Variants in GFRAL observed in about 807,000 individuals in gnomAD.
The protein encoded by GFRAL is GDNF family receptor alpha-like.
GFRAL carries 36 observed loss-of-function variants against 45.4 expected under a neutral mutation model. That is an observed-to-expected ratio of 0.79 (90% confidence interval 0.61 to 1.05). The LOEUF (loss-of-function observed/expected upper bound fraction) is 1.05. Among genes scored for constraint, GFRAL ranks in the 50% least tolerant of loss-of-function variants. The pLI, the probability that GFRAL is intolerant of heterozygous loss-of-function variation, is 0.00. For synonymous variants in GFRAL, 166 were observed against 154.1 expected, an observed-to-expected ratio of 1.08 and a Z score of -0.57; for missense variants, 507 against 467.5, an observed-to-expected ratio of 1.08 and a Z score of -0.78.
intron 3 of GFRAL, among the ~76,000 whole-genome samples, chr6:55,343,957 A>T (rs942470376): frequency 6.6e-6 from 1 of 152,196 alleles, no homozygotes; most frequent in African/African-American, 2.4e-5. Flanking sequence ...AAATTCCTGG[A>T]TGCATACACT....
intron 5 of GFRAL, among the ~76,000 whole-genome samples, chr6:55,358,158 A>G (rs1768220759): frequency 6.6e-6 from 1 of 151,942 alleles, no homozygotes; most frequent in Non-Finnish European, 1.5e-5. Context: ...AAATAACTTC[A>G]TGAAAATGTC....
chr6:55,345,482 G>A (rs1239157170), intron 3 of GFRAL, among the ~76,000 whole-genome samples: 1 of 152,162 alleles, frequency 6.6e-6, no homozygotes, highest in Non-Finnish European at 1.5e-5. Flanking sequence ...GGGAAAACTG[G>A]CTAGCCATAT....
intron 6 of GFRAL, among the ~76,000 whole-genome samples, chr6:55,373,256 A>G (rs1216843875): frequency 1.3e-5 from 2 of 152,118 alleles, no homozygotes; most frequent in African/African-American, 4.8e-5. Context: ...CTCCTATTTT[A>G]TCCTCTGAAA....
In GFRAL at chr6:55,331,789, C is replaced by T. The variant is rs12199003; in HGVS notation, c.97C>T (p.Arg33Cys). The T allele has an allele frequency of 0.37, 593,224 of 1,609,192 alleles. 115,232 individuals are homozygous for T. Among genetic ancestry groups the T allele is most frequent in the South Asian group, 0.61 (55,566 of 90,368 alleles). Residue 33 changes from arginine to cysteine, a missense_variant, in exon 2 of 9, where the codon CGT becomes TGT. Transcript: ENST00000340465. ...NCTYLREQCLRDANGCKHAWR... is the reference protein window; with the variant it reads ...NCTYLREQCLCDANGCKHAWR... ...CACATATTTAAGAGAGCAATGCTTA[C>T]GTGATGCAAATGGATGTAAACATGC...
At chr6:55,343,660 C>T (rs1172237610) in intron 3 of GFRAL, among the ~76,000 whole-genome samples, 2 of 151,890 alleles carry the variant, frequency 1.3e-5, no homozygotes, top group Non-Finnish European at 2.9e-5. Flanking sequence ...TAGCAGAAGG[C>T]AAGAAATAAC....
At chr6:55,349,570 A>G (rs1768087372) in intron 3 of GFRAL, among the ~76,000 whole-genome samples, 1 of 152,042 alleles carries the variant, frequency 6.6e-6, no homozygotes, top group Non-Finnish European at 1.5e-5. Flanking sequence ...TTGGAATTAG[A>G]TGAACACCGA....
Position 55,399,291 on chromosome 6 carries a change from A to G in GFRAL, c.1048+16A>G, listed in dbSNP as rs769159751. ...CCCTTCAATGGTCAGTTAAAAATCA[A>G]TCCTCTATAATATTTATATTATTTA... On this transcript the variant is annotated intron_variant, in intron 7 of 8. Transcript: ENST00000340465. 9.9e-6 allele frequency: 15 copies of G among 1,522,678 alleles called. No individual in the cohort carries two copies. The highest frequency in any genetic ancestry group is 1.4e-5 in the Non-Finnish European group (15 of 1,106,048). 94.3% of individuals were successfully genotyped at this position (1,522,678 alleles called of 1,614,324 possible).
At chr6:55,341,075 T>A (rs139622822) in intron 3 of GFRAL, among the ~76,000 whole-genome samples, 245 of 152,302 alleles carry the variant, frequency 1.6e-3, no homozygotes, top group African/African-American at 5.5e-3. Context: ...CCTGCTTGCA[T>A]CTGTAGACTC....
intron 6 of GFRAL, among the ~76,000 whole-genome samples, chr6:55,364,008 G>A (rs112558907): frequency 0.018 from 2,305 of 128,686 alleles, 21 homozygotes; most frequent in African/African-American, 0.028. Context: ...CTGAGGAATC[G>A]CCACACTGAC....
intron 6 of GFRAL, among the ~76,000 whole-genome samples, chr6:55,360,260 C>A (rs6933713): frequency 2.6e-5 from 4 of 151,716 alleles, no homozygotes; most frequent in African/African-American, 9.7e-5. Flanking sequence ...CAGGCCCCTA[C>A]CCCTAGATCC....
At chr6:55,399,562 T>C in intron 8 of GFRAL, 121 bp downstream of exon 8, 1 of 715,042 alleles carries the variant, frequency 1.4e-6, no homozygotes, top group East Asian at 2.5e-5. Context: ...TGTTAAGACA[T>C]ATTAAATCAA....
At chr6:55,345,235 A>C (rs528970564) in intron 3 of GFRAL, among the ~76,000 whole-genome samples, 1 of 152,328 alleles carries the variant, frequency 6.6e-6, no homozygotes, top group South Asian at 2.1e-4. Context: ...CGCATTGCCA[A>C]GACAATCCTA....
At chr6:55,347,117 A>T (rs1768054068) in intron 3 of GFRAL, among the ~76,000 whole-genome samples, 1 of 152,004 alleles carries the variant, frequency 6.6e-6, no homozygotes, top group South Asian at 2.1e-4. Context: ...ATAACAAGAA[A>T]CTGTTCCTTT....
intron 3 of GFRAL, among the ~76,000 whole-genome samples, chr6:55,340,576 G>A (rs920140060): frequency 6.6e-6 from 1 of 152,190 alleles, no homozygotes; most frequent in Non-Finnish European, 1.5e-5. Context: ...AACAGCTCCA[G>A]TCTACAGCTC....
At chr6:55,370,544 A>G in intron 6 of GFRAL, among the ~76,000 whole-genome samples, 1 of 152,218 alleles carries the variant, frequency 6.6e-6, no homozygotes, top group East Asian at 1.9e-4. Flanking sequence ...AAAAAATTGT[A>G]AATAGTGTAG....
At chr6:55,352,018 G>A (rs140115824) in intron 5 of GFRAL, among the ~76,000 whole-genome samples, 2,018 of 152,122 alleles carry the variant, frequency 0.013, 25 homozygotes, top group Non-Finnish European at 0.022. Context: ...GAGATCAGGA[G>A]GAAGAAGGTA....
chr6:55,390,760 C>T (rs1965360), intron 6 of GFRAL, among the ~76,000 whole-genome samples: 21,609 of 151,858 alleles, frequency 0.14, 2,071 homozygotes, highest in African/African-American at 0.27. Context: ...TGGTGGCGAG[C>T]GCCTGTAATC....
At chr6:55,381,474 C>T (rs144411686) in intron 6 of GFRAL, among the ~76,000 whole-genome samples, 2,312 of 151,888 alleles carry the variant, frequency 0.015, 34 homozygotes, top group Non-Finnish European at 0.025. Context: ...TTCATCCTGC[C>T]TTACAACATT....
intron 6 of GFRAL, among the ~76,000 whole-genome samples, chr6:55,371,087 T>G (rs1175381095): frequency 6.6e-6 from 1 of 152,036 alleles, no homozygotes; most frequent in Non-Finnish European, 1.5e-5. Context: ...AGATATATAT[T>G]TTTTTCTTTC....
Sources: allele counts gnomAD v4.1 joint callset (sites outside exome capture counted in the v4.1 genomes callset), GRCh38; gene constraint gnomAD v4.1.1; transcripts MANE v1.5; gene names NCBI Gene and HGNC (gene_info 2026-07-23, HGNC 2026-07-21).